Variants in NTAQ1 observed in about 807,000 individuals in gnomAD.
NTAQ1 encodes protein N-terminal glutamine amidohydrolase.
NTAQ1 carries 21 observed loss-of-function variants against 28.2 expected under a neutral mutation model. The ratio of observed to expected loss-of-function variants is 0.74; its 90% CI spans 0.53 to 1.07. NTAQ1 has a LOEUF of 1.07. NTAQ1 is among the 50% of genes least tolerant of loss of function. The pLI is 0.00. For missense variants in NTAQ1, 264 were observed against 256.6 expected (o/e 1.03, Z -0.20); for synonymous variants, 105 against 90.0 (o/e 1.17, Z -0.94).
At chr8:123,438,013 T>G (rs1814830118) in intron 5 of NTAQ1, 3 of 585,454 alleles carry the variant, frequency 5.1e-6, no homozygotes, top group Non-Finnish European at 9.2e-6. Context: ...GTGAAAGAAA[T>G]CCCCATTGCA....
intron 1 of NTAQ1, among the ~76,000 whole-genome samples, chr8:123,423,313 T>TTC (rs74193611): frequency 0.9 from 133,104 of 148,390 alleles, 59,806 homozygotes; most frequent in East Asian, 0.99. Context: ...TTCTCTTCTC[T>TTC]TCTTTTTTCT....
chr8:123,437,141 T>C, intron 4 of NTAQ1, 69 bp from the exon 5 acceptor site: 2 of 1,586,936 alleles, frequency 1.3e-6, no homozygotes, highest in Non-Finnish European at 1.7e-6. Flanking sequence ...AATGAGTCGA[T>C]ATAAAAATGG....
intron 5 of NTAQ1, among the ~76,000 whole-genome samples, chr8:123,438,985 T>G (rs1289448005): frequency 6.6e-6 from 1 of 152,142 alleles, no homozygotes; most frequent in Non-Finnish European, 1.5e-5. Context: ...CAGCTACCTG[T>G]TTCCCCTTGA....
At chr8:123,432,754 A>G (rs963571043) in intron 3 of NTAQ1, among the ~76,000 whole-genome samples, 3 of 149,260 alleles carry the variant, frequency 2.0e-5, no homozygotes, top group Non-Finnish European at 3.0e-5. Flanking sequence ...ATCTCGGCTC[A>G]CTGCAAACTC....
chr8:123,432,314 A>G (rs1020039876), intron 3 of NTAQ1, among the ~76,000 whole-genome samples: 5 of 152,134 alleles, frequency 3.3e-5, no homozygotes, highest in Admixed American at 6.6e-5. Context: ...TCACAAATAT[A>G]TCTGCCACAT....
chr8:123,420,100 G>C (rs1398138860), intron 1 of NTAQ1, among the ~76,000 whole-genome samples: 2 of 151,998 alleles, frequency 1.3e-5, no homozygotes, highest in African/African-American at 2.4e-5. Context: ...CATGTCTACT[G>C]TTTCCTTTTT....
chr8:123,459,488 G>A (rs1815754412), intron 6 of NTAQ1, among the ~76,000 whole-genome samples: 1 of 152,140 alleles, frequency 6.6e-6, no homozygotes, highest in Non-Finnish European at 1.5e-5. Context: ...GGAGGATGGG[G>A]CTGAAAGCTC....
chr8:123,468,780 A>G (rs1456685403), exon 7 of NTAQ1, among the ~76,000 whole-genome samples: 1 of 151,940 alleles, frequency 6.6e-6, no homozygotes, highest in Non-Finnish European at 1.5e-5. Context: ...TTTTTGAGGA[A>G]CCTCCATTCT....
At chr8:123,448,384 G>A (rs774431667), downstream of NTAQ1, among the ~76,000 whole-genome samples, 24 of 152,282 alleles carry the variant, frequency 1.6e-4, no homozygotes, top group African/African-American at 2.6e-4. Context: ...AGGCCAAGGC[G>A]GGTGGATCAC....
chr8:123,432,289 T>A (rs1361972481), intron 3 of NTAQ1, among the ~76,000 whole-genome samples: 1 of 152,220 alleles, frequency 6.6e-6, no homozygotes, highest in Non-Finnish European at 1.5e-5. Flanking sequence ...GCTAAATGGA[T>A]AAAAGTCTAT....
At chr8:123,426,348 G>T (rs1057409939) in intron 1 of NTAQ1, among the ~76,000 whole-genome samples, 3 of 152,188 alleles carry the variant, frequency 2.0e-5, no homozygotes, top group Non-Finnish European at 4.4e-5. Context: ...TTTCAGTTCA[G>T]TATGAGAAAG....
At chr8:123,475,060 G>A in the NTAQ1 span, among the ~76,000 whole-genome samples, 2 of 152,064 alleles carry the variant, frequency 1.3e-5, no homozygotes, top group African/African-American at 4.8e-5. Context: ...TCTTCTCTAA[G>A]AGAGAGTTAT....
intron 2 of NTAQ1, among the ~76,000 whole-genome samples, chr8:123,429,456 C>T (rs896908992): frequency 1.3e-5 from 2 of 152,224 alleles, no homozygotes; most frequent in Non-Finnish European, 2.9e-5. Context: ...GTAGTCCCAG[C>T]TACTTGTGAG....
Position 123,425,380 on chromosome 8 carries a change from C to A in NTAQ1, c.84-2544C>A, listed in dbSNP as rs189152778. On this transcript the variant is annotated intron_variant, in intron 1 of 5. Coordinates refer to ENST00000287387, the MANE Select transcript of NTAQ1 (RefSeq NM_018024.3). ...GTGCTGGGATTACAGACGTAAGCCA[C>A]CATGCCCGGCCCAGTCAGTAAATTT... Among the ~76,000 whole-genome samples the A allele has an allele frequency of 8.4e-3, 1,283 of 152,156 alleles. 6 individuals carry two copies. Among genetic ancestry groups the A allele is most frequent in the Non-Finnish European group, 0.014 (977 of 67,984 alleles).
intron 3 of NTAQ1, among the ~76,000 whole-genome samples, chr8:123,432,926 C>A (rs1034904275): frequency 6.6e-6 from 1 of 152,072 alleles, no homozygotes; most frequent in Admixed American, 6.6e-5. Flanking sequence ...GTGATCCGCC[C>A]GCCTCGGCCT....
chr8:123,451,915 C>T (rs569066681), downstream of NTAQ1, among the ~76,000 whole-genome samples: 1 of 152,274 alleles, frequency 6.6e-6, no homozygotes, highest in South Asian at 2.1e-4. Flanking sequence ...TTTAGATGAT[C>T]TTGTCCTTTT....
At chr8:123,438,382 G>T in intron 5 of NTAQ1, 1 of 515,832 alleles carries the variant, frequency 1.9e-6, no homozygotes, top group South Asian at 2.5e-5. Flanking sequence ...GGGTCTGAGC[G>T]TGGTGGCTTA....
chr8:123,438,564 G>A (rs1014843306), intron 5 of NTAQ1, among the ~76,000 whole-genome samples: 2 of 151,678 alleles, frequency 1.3e-5, no homozygotes, highest in Non-Finnish European at 2.9e-5. Flanking sequence ...ACTGAGACAG[G>A]AGAATTACTT....
At chr8:123,471,806 A>C (rs372280413), downstream of NTAQ1, among the ~76,000 whole-genome samples, 1 of 152,182 alleles carries the variant, frequency 6.6e-6, no homozygotes, top group African/African-American at 2.4e-5. Flanking sequence ...TCTGTCTACC[A>C]ATATAAGTGT....
Sources: allele counts gnomAD v4.1 joint callset (sites outside exome capture counted in the v4.1 genomes callset), GRCh38; gene constraint gnomAD v4.1.1; transcripts MANE v1.5; gene names NCBI Gene and HGNC (gene_info 2026-07-23, HGNC 2026-07-21).